SLC39A11: variants seen among roughly 807,000 people sequenced by gnomAD.
SLC39A11 encodes the protein solute carrier family 39 member 11, also known as zinc transporter ZIP11.
Under a neutral mutation model 36.1 loss-of-function variants are expected in SLC39A11, and 33 were observed. The observed-to-expected ratio is 0.91, with a 90% CI of 0.69 to 1.22. The LOEUF (loss-of-function observed/expected upper bound fraction) is 1.22. Among genes scored for constraint, SLC39A11 ranks in the 50% most tolerant of loss-of-function variants. The pLI is 0.00. For synonymous variants in SLC39A11, 166 were observed against 170.3 expected, an observed-to-expected ratio of 0.97 and a Z score of 0.20; for missense variants, 432 against 430.3, an observed-to-expected ratio of 1.00 and a Z score of -0.03.
At chr17:72,922,191 T>C (rs1184126545) in intron 5 of SLC39A11, among the ~76,000 whole-genome samples, 1 of 152,204 alleles carries the variant, frequency 6.6e-6, no homozygotes, top group Non-Finnish European at 1.5e-5. Context: ...GGGTATCAAA[T>C]GATCACAGAA....
In SLC39A11 at chr17:72,667,681, T is replaced by C. The variant is rs140363791; in HGVS notation, c.672-18413A>G. 7.7e-4 allele frequency among the ~76,000 whole-genome samples: 118 copies of C among 152,342 alleles called. 1 individual carries two copies. The highest frequency in any genetic ancestry group is 6.8e-3 in the Middle Eastern group (2 of 294). ...TCACCAGAGCCACTTCTTCCAGGAATGCCTGGTGCAGACTGCAGAGGCACC... is the reference window on the plus strand; with the variant it reads ...TCACCAGAGCCACTTCTTCCAGGAACGCCTGGTGCAGACTGCAGAGGCACC... On this transcript the variant is annotated intron_variant, in intron 7 of 9. Transcript: ENST00000255559.
intron 3 of SLC39A11, among the ~76,000 whole-genome samples, chr17:73,051,260 C>T (rs942314022): frequency 6.6e-6 from 1 of 152,108 alleles, no homozygotes; most frequent in African/African-American, 2.4e-5. Context: ...ATAAGGACAC[C>T]AGTCCTAATG....
intron 3 of SLC39A11, among the ~76,000 whole-genome samples, chr17:73,040,947 T>C (rs2059087547): frequency 6.8e-6 from 1 of 147,198 alleles, no homozygotes; most frequent in African/African-American, 2.5e-5. Flanking sequence ...ATCACACCAC[T>C]GTACTCCAGC....
At position 72,849,701 on chromosome 17, in the gene SLC39A11, C is replaced by G. The variant is rs945345892; in HGVS notation, c.534G>C (p.Gln178His). 2 of 1,610,988 alleles carry G rather than the reference C, an allele frequency of 1.2e-6. No homozygotes were observed. The highest frequency in any genetic ancestry group is 1.7e-6 in the Non-Finnish European group (2 of 1,178,878). ...VPVPSRGNLA[Q>H]PGGSSWRRIA... ...TCCTCCTCCAGCTGCTGCCGCCGGG[C>G]TGTGCCAGATTCCCTCGAGAAGGCA... is the stretch of plus-strand genomic sequence containing the variant. The change falls in exon 6 of 10, where the codon CAG (glutamine) becomes CAC (histidine). Residue 178 changes from glutamine to histidine, a missense_variant. Transcript: ENST00000255559.
intron 4 of SLC39A11, among the ~76,000 whole-genome samples, chr17:72,956,189 A>G (rs1014849565): frequency 1.7e-4 from 26 of 152,226 alleles, no homozygotes; most frequent in Admixed American, 4.6e-4. Flanking sequence ...CAATGGTGGA[A>G]GTTAATTACG....
At chr17:72,994,074 C>T (rs182698932) in intron 4 of SLC39A11, among the ~76,000 whole-genome samples, 27 of 152,292 alleles carry the variant, frequency 1.8e-4, no homozygotes, top group African/African-American at 5.5e-4. Context: ...TCACCCGTTA[C>T]AGTCATGAAC....
At chr17:72,878,675 T>C (rs1319494858) in intron 5 of SLC39A11, among the ~76,000 whole-genome samples, 1 of 152,214 alleles carries the variant, frequency 6.6e-6, no homozygotes, top group Non-Finnish European at 1.5e-5. Flanking sequence ...TAAAATCCCA[T>C]AATATTTTTC....
chr17:73,009,259 C>T (rs1350610645), intron 4 of SLC39A11, among the ~76,000 whole-genome samples: 1 of 148,032 alleles, frequency 6.8e-6, no homozygotes, highest in African/African-American at 2.5e-5. Context: ...GTCCCCGCTA[C>T]GGGGGAGGCT....
At chr17:72,662,826 G>A (rs1389935344) in intron 7 of SLC39A11, among the ~76,000 whole-genome samples, 1 of 152,066 alleles carries the variant, frequency 6.6e-6, no homozygotes, top group Non-Finnish European at 1.5e-5. Flanking sequence ...GAAAGAAAGA[G>A]AAAGAGAGAA....
chr17:72,981,479 T>C (rs894975918), intron 4 of SLC39A11, among the ~76,000 whole-genome samples: 1 of 152,110 alleles, frequency 6.6e-6, no homozygotes, highest in African/African-American at 2.4e-5. Flanking sequence ...GAGAGCCATC[T>C]GGAAATACAT....
chr17:72,709,240 G>A (rs1378271656), intron 7 of SLC39A11, among the ~76,000 whole-genome samples: 1 of 152,066 alleles, frequency 6.6e-6, no homozygotes, highest in Non-Finnish European at 1.5e-5. Flanking sequence ...GCCCGGCCAA[G>A]CCTTTTTCTT....
chr17:73,048,315 G>A (rs62073126), intron 3 of SLC39A11, among the ~76,000 whole-genome samples: 14,292 of 151,896 alleles, frequency 0.094, 855 homozygotes, highest in Non-Finnish European at 0.13. Flanking sequence ...GTGTTAATTC[G>A]CTTAGGATAA....
At chr17:72,872,828 A>G (rs566036955) in intron 5 of SLC39A11, among the ~76,000 whole-genome samples, 6 of 152,128 alleles carry the variant, frequency 3.9e-5, no homozygotes, top group South Asian at 4.2e-4. Context: ...AGGCTGAGGC[A>G]GGTGGATCAC....
At chr17:73,066,952 A>C (rs1352092455) in intron 3 of SLC39A11, among the ~76,000 whole-genome samples, 4 of 152,230 alleles carry the variant, frequency 2.6e-5, no homozygotes, top group Non-Finnish European at 5.9e-5. Flanking sequence ...TTTTTATCGT[A>C]TATCCTTTGT....
At chr17:73,069,554 C>T (rs1030331038) in intron 3 of SLC39A11, among the ~76,000 whole-genome samples, 1 of 152,212 alleles carries the variant, frequency 6.6e-6, no homozygotes, top group African/African-American at 2.4e-5. Context: ...AGGCCCTTGA[C>T]AAAGCTTTGA....
At chr17:72,840,342 C>T (rs1412262541) in intron 6 of SLC39A11, among the ~76,000 whole-genome samples, 2 of 152,206 alleles carry the variant, frequency 1.3e-5, no homozygotes, top group East Asian at 3.8e-4. Flanking sequence ...ATGGAATTCA[C>T]CTACCCTCTT....
intron 7 of SLC39A11, among the ~76,000 whole-genome samples, chr17:72,686,355 G>C (rs1022870509): frequency 2.0e-5 from 3 of 152,178 alleles, no homozygotes; most frequent in Non-Finnish European, 4.4e-5. Context: ...GCTATGTGGC[G>C]ACAGACCTTC....
intron 4 of SLC39A11, among the ~76,000 whole-genome samples, chr17:73,023,058 G>A (rs1233258442): frequency 6.6e-6 from 1 of 152,150 alleles, no homozygotes; most frequent in Non-Finnish European, 1.5e-5. Context: ...AGAAACTGAA[G>A]TATTAATTAG....
chr17:72,898,141 G>A (rs181979665), intron 5 of SLC39A11, among the ~76,000 whole-genome samples: 1 of 152,294 alleles, frequency 6.6e-6, no homozygotes, highest in East Asian at 1.9e-4. Flanking sequence ...GGTGCATCTG[G>A]CAATTTGGGG....
Sources: allele counts gnomAD v4.1 joint callset (sites outside exome capture counted in the v4.1 genomes callset), GRCh38; gene constraint gnomAD v4.1.1; transcripts MANE v1.5; gene names NCBI Gene and HGNC (gene_info 2026-07-23, HGNC 2026-07-21).